HERC2: variants seen among roughly 807,000 people sequenced by gnomAD.
HERC2 encodes HECT and RLD domain containing E3 ubiquitin protein ligase 2, also known as E3 ubiquitin-protein ligase HERC2.
Under a neutral mutation model 537.7 loss-of-function variants are expected in HERC2, and 102 were observed. That is an observed-to-expected ratio of 0.19 (90% CI 0.16 to 0.22). The LOEUF (loss-of-function observed/expected upper bound fraction) is 0.22. Ranked by LOEUF, HERC2 falls within the 10% of genes least tolerant of loss-of-function variation. The probability of loss-of-function intolerance (pLI) is 1.00; values close to 1 mark genes in which losing one functional copy is unlikely to be tolerated. For synonymous variants in HERC2, 2,224 were observed against 2,466.2 expected (o/e 0.90, Z 2.91); for missense variants, 4,236 against 6,198.2 (o/e 0.68, Z 10.63).
At chr15:28,117,200 G>A (rs553688345) in intron 86 of HERC2, 46 bp from the exon 87 acceptor site, 2 of 1,594,118 alleles carry the variant, frequency 1.3e-6, no homozygotes, top group Non-Finnish European at 1.7e-6. Context: ...GCCGCAGCAG[G>A]AAGCACACAG....
intron 52 of HERC2, among the ~76,000 whole-genome samples, chr15:28,193,650 A>G (rs1714076387): frequency 6.6e-6 from 1 of 152,172 alleles, no homozygotes; most frequent in Non-Finnish European, 1.5e-5. Flanking sequence ...ATCTCCATGC[A>G]CATGTAAAAC....
At chr15:28,141,406 T>C (rs1891210229) in intron 78 of HERC2, 26 bp downstream of exon 78, 5 of 1,609,384 alleles carry the variant, frequency 3.1e-6, no homozygotes, top group African/African-American at 1.3e-5. Context: ...CTCAATGACC[T>C]TGTGACATAG....
chr15:28,211,937 C>A (rs1322052424), intron 43 of HERC2, among the ~76,000 whole-genome samples: 1 of 152,186 alleles, frequency 6.6e-6, no homozygotes, highest in Non-Finnish European at 1.5e-5. Context: ...GAGAGAAGAG[C>A]TCCCTAGAAA....
intron 2 of HERC2, among the ~76,000 whole-genome samples, chr15:28,313,209 T>TTTC (rs1555460093): frequency 1.0e-4 from 15 of 143,242 alleles, no homozygotes; most frequent in African/African-American, 3.7e-4. Flanking sequence ...TTTTTTTTTT[T>TTTC]TTGAGACAGA....
Position 28,152,774 on chromosome 15 carries a change from G to A in HERC2, c.10803C>T (p.Asp3601=), listed in dbSNP as rs1427488986. Residue 3601 remains aspartate, a synonymous_variant, in exon 70 of 93, where the codon GAC becomes GAT. Coordinates refer to ENST00000261609, the MANE Select transcript of HERC2 (RefSeq NM_004667.6). ...GAGAAGAGAGGCGGCCGCTCTGCGA[G>A]TCTGTGGCCACATCCTCCAACTCGG... ...CVTELEDVAT[D]SQSGRLSSQP... 3.9e-6 allele frequency: 6 copies of A among 1,553,962 alleles called. No homozygotes were observed. The South Asian group carries it at 5.9e-5, about 15-fold the overall frequency.
intron 2 of HERC2, among the ~76,000 whole-genome samples, chr15:28,318,135 T>C (rs1446571560): frequency 2.6e-5 from 4 of 152,186 alleles, no homozygotes; most frequent in African/African-American, 9.7e-5. Flanking sequence ...AGGTATCATA[T>C]ATTGTTTTTT....
chr15:28,152,245 C>G lies in HERC2; in HGVS notation c.10900+432G>C, dbSNP rs559588625. On this transcript the variant is annotated intron_variant, in intron 70 of 92. Transcript: ENST00000261609. ...AGCCCGCCAGATCAAAGGCCGGGGC[C>G]TCAACAATTTTCTTCTTAATAATTT... 2.6e-5 allele frequency among the ~76,000 whole-genome samples: 4 copies of G among 152,320 alleles called. No individual in the cohort carries two copies. In the South Asian group the frequency reaches 8.3e-4, roughly 32 times the overall value.
intron 20 of HERC2, among the ~76,000 whole-genome samples, chr15:28,249,680 C>T (rs898854645): frequency 1.3e-5 from 2 of 152,148 alleles, no homozygotes; most frequent in Non-Finnish European, 2.9e-5. Context: ...CAGAGTCTAG[C>T]TTTGTTGCCA....
Position 28,144,721 on chromosome 15 carries a change from TCA to T in HERC2, c.11090_11091del (p.Val3697GlufsTer19). On this transcript the variant is annotated frameshift_variant, in exon 72 of 93. Transcript: ENST00000261609. LOFTEE classifies it high-confidence loss of function. ...LKWKFISDGS[V>X]NGWGWRFTVY... ...ACGGTGAAGCGCCAGCCCCAGCCAT[TCA>T]CAGACCCATCGCTGATGAACTTCCA... 1 of 1,614,174 alleles carries T rather than the reference TCA, an allele frequency of 6.2e-7. No individual in the cohort carries two copies.
At chr15:28,284,785 G>T (rs1314581350) in intron 4 of HERC2, among the ~76,000 whole-genome samples, 1 of 151,796 alleles carries the variant, frequency 6.6e-6, no homozygotes, top group African/African-American at 2.4e-5. Flanking sequence ...TGTGATGGCA[G>T]ATGCCTATAA....
chr15:28,287,102 GA>G (rs1168831431), intron 4 of HERC2, among the ~76,000 whole-genome samples: 1 of 151,816 alleles, frequency 6.6e-6, no homozygotes, highest in African/African-American at 2.4e-5. Context: ...TAAAACGTTG[GA>G]AAAAAATAAA....
At position 28,167,666 on chromosome 15, in the gene HERC2, TAAAG is replaced by T; in HGVS notation, c.10554+17_10554+20del. 6.2e-7 allele frequency: 1 copy of T among 1,613,056 alleles called. No homozygotes were observed. The highest frequency in any genetic ancestry group is 1.3e-5 in the African/African-American group (1 of 74,664). On this transcript the variant is annotated intron_variant, in intron 68 of 92. Transcript: ENST00000261609. ...TTAAGATTATTTCACAATACAAAGTTAAAGAAGAACGCCTCTTCACCTCTTTGGT... is the reference window on the plus strand; with the variant it reads ...TTAAGATTATTTCACAATACAAAGTTAAGAACGCCTCTTCACCTCTTTGGT...
At chr15:28,165,728 A>G (rs1458215467) in intron 68 of HERC2, among the ~76,000 whole-genome samples, 1 of 152,144 alleles carries the variant, frequency 6.6e-6, no homozygotes, top group Admixed American at 6.6e-5. Flanking sequence ...TGAGACCAGG[A>G]GGTTGAGGCT....
At chr15:28,295,308 T>TGGGGGGG (rs3079935) in intron 3 of HERC2, among the ~76,000 whole-genome samples, 4 of 79,682 alleles carry the variant, frequency 5.0e-5, no homozygotes, top group Admixed American at 1.5e-4. Flanking sequence ...TACATGTGTG[T>TGGGGGGG]GGGGGGGGGG....
intron 64 of HERC2, among the ~76,000 whole-genome samples, chr15:28,174,934 T>G (rs1895111010): frequency 6.6e-6 from 1 of 152,112 alleles, no homozygotes; most frequent in Non-Finnish European, 1.5e-5. Context: ...TTTTTCCCTT[T>G]TATTTTGCAA....
rs550212454 is a variant in HERC2 at position 28,132,471 on chromosome 15, G to A, written c.12408+182C>T. Among the ~76,000 whole-genome samples, 4 of 152,322 alleles carry A rather than the reference G, an allele frequency of 2.6e-5. No individual in the cohort carries two copies. The East Asian group carries it at 5.8e-4, about 22-fold the overall frequency. The stretch of plus-strand genomic sequence containing the variant: ...CTAAACCGCAGGAGGAGGTATCAGC[G>A]TCTTTGATGAGCCAACCCTACATCA... On this transcript the variant is annotated intron_variant, in intron 80 of 92. Coordinates refer to ENST00000261609, the MANE Select transcript of HERC2 (RefSeq NM_004667.6).
chr15:28,240,373 A>G (rs1342460347), intron 23 of HERC2, among the ~76,000 whole-genome samples: 4 of 152,370 alleles, frequency 2.6e-5, no homozygotes, highest in East Asian at 1.9e-4. Context: ...AGCTGAGATC[A>G]CGTCACTACA....
intron 2 of HERC2, among the ~76,000 whole-genome samples, chr15:28,318,802 T>C (rs1485849262): frequency 6.6e-6 from 1 of 151,374 alleles, no homozygotes; most frequent in Non-Finnish European, 1.5e-5. Flanking sequence ...ACAAGCATTA[T>C]AAGTTTTCAC....
At chr15:28,166,097 AAAG>A (rs1894111024) in intron 68 of HERC2, among the ~76,000 whole-genome samples, 1 of 152,252 alleles carries the variant, frequency 6.6e-6, no homozygotes, top group African/African-American at 2.4e-5. Flanking sequence ...CCAACTACTT[AAAG>A]AAGAATTAAC....
Sources: allele counts gnomAD v4.1 joint callset (sites outside exome capture counted in the v4.1 genomes callset), GRCh38; gene constraint gnomAD v4.1.1; transcripts MANE v1.5; gene names NCBI Gene and HGNC (gene_info 2026-07-23, HGNC 2026-07-21).